TROAP: variants seen among roughly 807,000 people sequenced by gnomAD.
TROAP encodes the protein trophinin associated protein.
TROAP carries 62 observed loss-of-function variants against 83.4 expected under a neutral mutation model. The ratio of observed to expected loss-of-function variants is 0.74; its 90% CI spans 0.61 to 0.92. The LOEUF is 0.92. Ranked by LOEUF, TROAP falls within the 40% of genes least tolerant of loss-of-function variation. The probability of loss-of-function intolerance (pLI) is 0.00; values close to 1 mark genes in which losing one functional copy is unlikely to be tolerated. For synonymous variants in TROAP, 352 were observed against 386.4 expected (o/e 0.91, Z 1.04); for missense variants, 876 against 985.1 (o/e 0.89, Z 1.48).
rs751521403 is a variant in TROAP at position 49,323,990 on chromosome 12, C to G, written c.290C>G (p.Pro97Arg). The change falls in exon 3 of 15, where the codon CCT becomes CGT. Residue 97 changes from proline to arginine, a missense_variant. Pro to Arg is a moderately radical substitution (Grantham distance 103, BLOSUM62 -2). This residue lies in a region of TROAP where 689 missense variants were observed against 722.6 expected (regional missense o/e 0.95). Coordinates refer to ENST00000257909, the MANE Select transcript of TROAP (RefSeq NM_005480.4). Reference sequence around the variant, plus strand: ...CGGAACCCCTTGGAAGAGCTCAGGCCTAGCCCTAGGGGTCAAAATGTGGGG... The same window carrying G: ...CGGAACCCCTTGGAAGAGCTCAGGCGTAGCCCTAGGGGTCAAAATGTGGGG... The part of the protein sequence containing the change: ...QPRNPLEELR[P>R]SPRGQNVGPG... 1.2e-6 allele frequency: 2 copies of G among 1,614,196 alleles called. No individual in the cohort carries two copies.
At chr12:49,330,020 G>A (rs773068527) in intron 12 of TROAP, 29 bp downstream of exon 12, 3 of 1,613,442 alleles carry the variant, frequency 1.9e-6, no homozygotes, top group South Asian at 2.2e-5. Flanking sequence ...CAGCTTTGAT[G>A]TCTATTGAAC....
At position 49,331,637 on chromosome 12, in the gene TROAP, C is replaced by T; in HGVS notation, c.*20C>T. The T allele has an allele frequency of 3.1e-6, 5 of 1,613,942 alleles. 1 individual carries two copies. The highest frequency in any genetic ancestry group is 2.2e-5 in the South Asian group (2 of 91,074). On this transcript the variant is annotated 3_prime_UTR_variant, in exon 15 of 15. Coordinates refer to ENST00000257909, the MANE Select transcript of TROAP (RefSeq NM_005480.4). ...CCATGATGAGACAACCACTCCTGCCCTGCCGTACTTCTTCCTTTTAGCCCT... is the reference window on the plus strand; with the variant it reads ...CCATGATGAGACAACCACTCCTGCCTTGCCGTACTTCTTCCTTTTAGCCCT...
At position 49,331,596 on chromosome 12, in the gene TROAP, T is replaced by C. The variant is rs1490516151; in HGVS notation, c.2316T>C (p.Ala772=). The C allele has an allele frequency of 6.2e-7, 1 of 1,614,140 alleles. No individual in the cohort carries two copies. The highest frequency in any genetic ancestry group is 1.1e-5 in the South Asian group (1 of 91,072). Residue 772 remains alanine, a synonymous_variant, in exon 15 of 15, where the codon GCT becomes GCC. Transcript: ENST00000257909. ...DALCFIPVGS[A]APQGSP is the part of the protein sequence containing the mutation. ...AGTGTTTCATTCCAGTTGGTTCTGC[T>C]GCCCCCCAGGGCTCTCCATGATGAG...
intron 7 of TROAP, 84 bp downstream of exon 7, chr12:49,326,804 T>C: frequency 1.4e-6 from 2 of 1,463,248 alleles, no homozygotes; most frequent in Non-Finnish European, 1.9e-6. Flanking sequence ...CTCAGCAGGC[T>C]GGGAGGGAGC....
intron 8 of TROAP, among the ~76,000 whole-genome samples, chr12:49,328,045 T>C (rs746250199): frequency 2.8e-4 from 43 of 151,518 alleles, no homozygotes; most frequent in Non-Finnish European, 4.9e-4. Flanking sequence ...GAGAGGCCAG[T>C]GAGATTGAAG....
intron 7 of TROAP, among the ~76,000 whole-genome samples, 165 bp downstream of exon 7, chr12:49,326,885 A>G (rs1219863796): frequency 6.6e-6 from 1 of 152,184 alleles, no homozygotes; most frequent in African/African-American, 2.4e-5. Context: ...TAGGCCAGCG[A>G]TTGGCACAGT....
At chr12:49,326,431 A>G (rs540064651) in intron 6 of TROAP, among the ~76,000 whole-genome samples, 1 of 152,346 alleles carries the variant, frequency 6.6e-6, no homozygotes, top group South Asian at 2.1e-4. Context: ...TGGCTAGAGT[A>G]TAGACTGTGG....
Position 49,329,727 on chromosome 12 carries a change from G to A in TROAP, c.1165-130G>A. On this transcript the variant is annotated intron_variant, in intron 11 of 14. Coordinates refer to ENST00000257909, the MANE Select transcript of TROAP (RefSeq NM_005480.4). The surrounding 1 kb of genome is among the most constrained non-coding windows in gnomAD (Gnocchi z 4.5). ...GCCTAACTCTCACTGCTTCTCTGCT[G>A]CCCCTCCTAATGTACATCTAGGGCC... The A allele has an allele frequency of 7.3e-7, 1 of 1,367,522 alleles. No individual in the cohort carries two copies. The highest frequency in any genetic ancestry group is 1.0e-6 in the Non-Finnish European group (1 of 999,966). 84.7% of individuals were successfully genotyped at this position (1,367,522 alleles called of 1,614,324 possible).
chr12:49,331,294 G>A lies in TROAP; in HGVS notation c.2179G>A (p.Glu727Lys), dbSNP rs745718102. Residue 727 changes from glutamate to lysine, a missense_variant, in exon 14 of 15, where the codon GAG becomes AAG. By Grantham distance (56) the Glu-to-Lys change is moderately conservative. Transcript: ENST00000257909. Reference protein sequence around the residue: ...SCLTAIHCFHEARLDDECAFY... With the variant: ...SCLTAIHCFHKARLDDECAFY... ...TTTAACCGCCATCCACTGCTTCCAC[G>A]AGGCTCGTCTGGACGATGAGTGTGC... 7.4e-6 allele frequency: 12 copies of A among 1,614,050 alleles called. No individual in the cohort carries two copies. The highest frequency in any genetic ancestry group is 2.7e-5 in the African/African-American group (2 of 74,918).
In TROAP at chr12:49,329,415, C is replaced by G; in HGVS notation, c.1125C>G (p.Val375=). 2 of 1,612,660 alleles carry G rather than the reference C, an allele frequency of 1.2e-6. No individual in the cohort carries two copies. Among genetic ancestry groups the G allele is most frequent in the Non-Finnish European group, 1.7e-6 (2 of 1,179,104 alleles). Residue 375 remains valine, a synonymous_variant, in exon 11 of 15, where the codon GTC becomes GTG. Coordinates refer to ENST00000257909, the MANE Select transcript of TROAP (RefSeq NM_005480.4). The surrounding 1 kb of genome is among the most constrained non-coding windows in gnomAD (Gnocchi z 4.5). ...GCCAGGCCCAGTGGCTGCGTGGTGT[C>G]TCCCCTCAGTCCTGCTCTGAAGATC... ...RVQQAQWLRG[V]SPQSCSEDPA... is the part of the protein sequence containing the mutation.
At chr12:49,331,035 C>A in intron 13 of TROAP, 92 bp downstream of exon 13, 2 of 1,560,110 alleles carry the variant, frequency 1.3e-6, no homozygotes, top group Non-Finnish European at 1.8e-6. Context: ...CAGGCAATCT[C>A]ATGCTTCCAC....
In TROAP at chr12:49,330,141, A is replaced by ACAGCGCAT. The variant is rs1295380577; in HGVS notation, c.1300-2_1305dup. The ACAGCGCAT allele has an allele frequency of 6.2e-7, 1 of 1,613,018 alleles. No homozygotes were observed. The highest frequency in any genetic ancestry group is 8.5e-7 in the Non-Finnish European group (1 of 1,179,470). On this transcript the variant is annotated splice_region_variant and splice_polypyrimidine_tract_variant and intron_variant, in intron 12 of 14. Coordinates refer to ENST00000257909, the MANE Select transcript of TROAP (RefSeq NM_005480.4). The stretch of plus-strand genomic sequence containing the variant: ...TCACACTGGGGTGCTCTCTCCCACC[A>ACAGCGCAT]CAGCGCATCGGTATCCTGCAACAGC...
chr12:49,327,787 A>AAAT (rs751584977), intron 8 of TROAP, among the ~76,000 whole-genome samples: 81 of 151,772 alleles, frequency 5.3e-4, no homozygotes, highest in Middle Eastern at 3.4e-3. Flanking sequence ...GTTCTCTCTA[A>AAAT]AATAATAATA....
Position 49,327,339 on chromosome 12 carries a change from C to G in TROAP, c.891+9C>G. 6.2e-7 allele frequency: 1 copy of G among 1,612,522 alleles called. No individual in the cohort carries two copies. The highest frequency in any genetic ancestry group is 1.1e-5 in the South Asian group (1 of 90,962). The stretch of plus-strand genomic sequence containing the variant: ...AAATGTCACATACCAGGGTGAGATG[C>G]GACTCTCCTGGGATGGTGGGTGGGA... On this transcript the variant is annotated intron_variant, in intron 8 of 14. Coordinates refer to ENST00000257909, the MANE Select transcript of TROAP (RefSeq NM_005480.4).
Position 49,329,352 on chromosome 12 carries a change from T to G in TROAP, c.1105-43T>G. The stretch of plus-strand genomic sequence containing the variant: ...AGAAGCAAGGGGAGGCTGAGTGCCA[T>G]CTGTGGGTGTCAGCCCTTGCTGACA... On this transcript the variant is annotated intron_variant, in intron 10 of 14. Transcript: ENST00000257909. This position sits in a 1 kb window ranked among gnomAD's most constrained non-coding sequence, Gnocchi z 4.5. 6.2e-7 allele frequency: 1 copy of G among 1,613,164 alleles called. No homozygotes were observed. The highest frequency in any genetic ancestry group is 2.2e-5 in the East Asian group (1 of 44,868).
intron 8 of TROAP, 52 bp from the exon 9 acceptor site, chr12:49,328,872 AAAT>A: frequency 6.7e-7 from 1 of 1,502,434 alleles, no homozygotes; most frequent in Non-Finnish European, 8.9e-7. Flanking sequence ...TCAAAAAAAA[AAAT>A]AGGAAGACAA....
intron 14 of TROAP, 53 bp downstream of exon 14, chr12:49,331,460 G>A (rs1943582407): frequency 3.7e-6 from 6 of 1,608,392 alleles, no homozygotes; most frequent in African/African-American, 2.7e-5. Context: ...CCTGATGGGA[G>A]GTGGGGAACA....
intron 3 of TROAP, chr12:49,324,302 T>G (rs1943459852): frequency 1.8e-6 from 2 of 1,107,340 alleles, no homozygotes; most frequent in African/African-American, 1.5e-5. Context: ...AGGCCAGGAG[T>G]TGGAGACCAG....
chr12:49,329,867 C>T lies in TROAP; in HGVS notation c.1175C>T (p.Ala392Val). ...EDPALPWEQVAVRLFDQESCI... is the reference protein window; with the variant it reads ...EDPALPWEQVVVRLFDQESCI... ...GTTCCTTGGTGACAGGAGCAGGTTG[C>T]CGTCCGGTTGTTTGACCAGGAGAGT... The change falls in exon 12 of 15, where the codon GCC becomes GTC. Residue 392 changes from alanine to valine, a missense_variant. This residue lies in a region of TROAP where 689 missense variants were observed against 722.6 expected (regional missense o/e 0.95). Transcript: ENST00000257909. This position sits in a 1 kb window ranked among gnomAD's most constrained non-coding sequence, Gnocchi z 4.5. 6.2e-7 allele frequency: 1 copy of T among 1,613,796 alleles called. No homozygotes were observed. Among genetic ancestry groups the T allele is most frequent in the South Asian group, 1.1e-5 (1 of 91,062 alleles).
Sources: gnomAD v4.1 joint callset for allele counts (sites outside exome capture counted in the v4.1 genomes callset) on GRCh38, gnomAD v4.1.1 for gene constraint, gnomAD v4.1.1 regional missense constraint, Gnocchi (gnomAD v3.1) non-coding constraint, MANE v1.5 for transcripts, NCBI Gene and HGNC (gene_info 2026-07-23, HGNC 2026-07-21) for gene names.